The following GRXCR1 variants were observed in gnomAD, a reference collection of about 807,000 sequenced individuals.
GRXCR1 encodes glutaredoxin and cysteine rich domain containing 1, also known as glutaredoxin domain-containing cysteine-rich protein 1.
In GRXCR1, 27 loss-of-function variants were observed where a neutral mutation model predicts 27.3. The ratio of observed to expected loss-of-function variants is 0.99; its 90% CI spans 0.73 to 1.37. The LOEUF (loss-of-function observed/expected upper bound fraction) is 1.37, where lower values mean the gene tolerates loss of function less well. Ranked by LOEUF, GRXCR1 falls within the 40% of genes most tolerant of loss-of-function variation. GRXCR1 has a pLI of 0.00. For synonymous variants in GRXCR1, 122 were observed against 131.1 expected (o/e 0.93, Z 0.47); for missense variants, 379 against 354.4 (o/e 1.07, Z -0.56).
rs577926265 is a variant in GRXCR1 at position 43,001,851 on chromosome 4, T to C, written c.628-18503T>C. Among the ~76,000 whole-genome samples, 384 of 41,904 alleles carry C rather than the reference T, an allele frequency of 9.2e-3. 2 individuals carry two copies. The highest frequency in any genetic ancestry group is 0.078 in the African/African-American group (367 of 4,702). 27.5% of individuals were successfully genotyped at this position (41,904 alleles called of 152,430 possible). A position where few individuals can be genotyped will look rare whatever the true frequency, so the allele number is the denominator to read the frequency against. ...TTTTCATTATTTCAGCAAAAAGGAA[T>C]GTAGAGAGCAGGGTGATAATAAGGA... On this transcript the variant is annotated intron_variant, in intron 2 of 3. Coordinates refer to ENST00000399770, the MANE Select transcript of GRXCR1 (RefSeq NM_001080476.3).
At chr4:42,987,002 ATGTGTG>A (rs36224914) in intron 2 of GRXCR1, among the ~76,000 whole-genome samples, 5,635 of 140,780 alleles carry the variant, frequency 0.04, 374 homozygotes, top group African/African-American at 0.14. Flanking sequence ...AGATATGTGT[ATGTGTG>A]TGTGTGTGTG....
intron 1 of GRXCR1, among the ~76,000 whole-genome samples, chr4:42,955,876 C>A (rs1384071840): frequency 3.3e-5 from 5 of 151,950 alleles, no homozygotes; most frequent in Admixed American, 6.6e-5. Context: ...TTGAAATAAC[C>A]CACTGGATTT....
intron 2 of GRXCR1, among the ~76,000 whole-genome samples, chr4:42,987,150 G>A (rs1711753559): frequency 7.0e-6 from 1 of 142,670 alleles, no homozygotes. Flanking sequence ...AGAGGAGAGA[G>A]AGACATACTT....
intron 1 of GRXCR1, among the ~76,000 whole-genome samples, chr4:42,929,810 A>G (rs1389831534): frequency 2.6e-5 from 4 of 151,976 alleles, no homozygotes; most frequent in African/African-American, 9.7e-5. Flanking sequence ...AATAATTATA[A>G]CACCTGCACC....
At chr4:42,929,330 A>G (rs928341439) in intron 1 of GRXCR1, among the ~76,000 whole-genome samples, 6 of 152,032 alleles carry the variant, frequency 3.9e-5, no homozygotes, top group Non-Finnish European at 8.8e-5. Context: ...AGTGGCCTAT[A>G]ATAGCCTGCA....
At chr4:42,935,061 C>T (rs1247774269) in intron 1 of GRXCR1, among the ~76,000 whole-genome samples, 1 of 151,972 alleles carries the variant, frequency 6.6e-6, no homozygotes, top group South Asian at 2.1e-4. Flanking sequence ...TTTTGGAATG[C>T]CTGAAACTCT....
At chr4:43,021,113 T>C (rs576947715) in intron 3 of GRXCR1, among the ~76,000 whole-genome samples, 17 of 152,284 alleles carry the variant, frequency 1.1e-4, no homozygotes, top group Non-Finnish European at 1.6e-4. Context: ...CCAGTATCTA[T>C]ATGTCACTAC....
At chr4:42,948,477 T>C (rs1036837796) in intron 1 of GRXCR1, among the ~76,000 whole-genome samples, 6 of 152,126 alleles carry the variant, frequency 3.9e-5, no homozygotes, top group Non-Finnish European at 4.4e-5. Flanking sequence ...TACCATCAGA[T>C]TGTGTTTCTA....
intron 1 of GRXCR1, among the ~76,000 whole-genome samples, chr4:42,945,761 A>G (rs919720337): frequency 4.6e-5 from 7 of 152,168 alleles, no homozygotes; most frequent in Non-Finnish European, 8.8e-5. Flanking sequence ...ACCACGTAGT[A>G]AAGGATAACG....
chr4:42,966,452 A>G (rs976225260), intron 2 of GRXCR1, among the ~76,000 whole-genome samples: 1 of 152,098 alleles, frequency 6.6e-6, no homozygotes, highest in Non-Finnish European at 1.5e-5. Context: ...ATATATGTTT[A>G]AAGTACTGCA....
chr4:43,024,428 G>T (rs1713190832), intron 3 of GRXCR1, among the ~76,000 whole-genome samples: 1 of 152,012 alleles, frequency 6.6e-6, no homozygotes, highest in African/African-American at 2.4e-5. Flanking sequence ...TAGGGGAAAG[G>T]GGGTGGCCAT....
At chr4:42,931,661 G>A (rs987873918) in intron 1 of GRXCR1, among the ~76,000 whole-genome samples, 39 of 151,654 alleles carry the variant, frequency 2.6e-4, no homozygotes, top group African/African-American at 8.2e-4. Flanking sequence ...ATACGTATAC[G>A]TTGTGAAGTG....
intron 2 of GRXCR1, among the ~76,000 whole-genome samples, chr4:43,003,064 A>C (rs1445070178): frequency 3.3e-5 from 5 of 152,150 alleles, no homozygotes; most frequent in Admixed American, 3.3e-4. Context: ...CACATGAAGA[A>C]GATCCTTTCT....
At chr4:42,909,103 C>A (rs1746661044) in intron 1 of GRXCR1, among the ~76,000 whole-genome samples, 1 of 152,174 alleles carries the variant, frequency 6.6e-6, no homozygotes, top group Non-Finnish European at 1.5e-5. Flanking sequence ...TTGTAAAAAG[C>A]AAACGCTTTA....
At chr4:42,976,226 G>A (rs1052519803) in intron 2 of GRXCR1, among the ~76,000 whole-genome samples, 3 of 151,980 alleles carry the variant, frequency 2.0e-5, no homozygotes, top group African/African-American at 7.2e-5. Context: ...GTTTATTGGT[G>A]ACCTGGTCAC....
At chr4:43,019,985 C>T (rs536831952) in intron 2 of GRXCR1, among the ~76,000 whole-genome samples, 12 of 152,026 alleles carry the variant, frequency 7.9e-5, no homozygotes, top group Non-Finnish European at 1.2e-4. Flanking sequence ...TAGAGATAAC[C>T]GAGGGTGGGA....
At chr4:42,943,536 A>G (rs1747671933) in intron 1 of GRXCR1, among the ~76,000 whole-genome samples, 1 of 152,072 alleles carries the variant, frequency 6.6e-6, no homozygotes, top group Non-Finnish European at 1.5e-5. Flanking sequence ...CTTAGTTTTA[A>G]TAAGCACCTC....
At chr4:42,926,112 T>C (rs1747152201) in intron 1 of GRXCR1, among the ~76,000 whole-genome samples, 1 of 152,088 alleles carries the variant, frequency 6.6e-6, no homozygotes, top group Non-Finnish European at 1.5e-5. Flanking sequence ...CACATTGCTG[T>C]TAGTGAGTGC....
chr4:42,955,346 G>T lies in GRXCR1; in HGVS notation c.385-7546G>T, dbSNP rs541922678. 3.9e-5 allele frequency among the ~76,000 whole-genome samples: 6 copies of T among 152,176 alleles called. No individual in the cohort carries two copies. The East Asian group carries it at 7.8e-4, about 20-fold the overall frequency. On this transcript the variant is annotated intron_variant, in intron 1 of 3. Transcript: ENST00000399770. ...TGTGGGACCATAATTTATTAAAGAG[G>T]CAAACCTCTTTAATTCACAACCATT...
Sources: gnomAD v4.1 joint callset for allele counts (sites outside exome capture counted in the v4.1 genomes callset) on GRCh38, gnomAD v4.1.1 for gene constraint, MANE v1.5 for transcripts, NCBI Gene and HGNC (gene_info 2026-07-23, HGNC 2026-07-21) for gene names.